The following B4GALNT3 variants were observed in gnomAD, a reference collection of about 807,000 sequenced individuals.
B4GALNT3 encodes beta-1,4-N-acetylgalactosaminyltransferase 3.
A neutral mutation model predicts 120.2 loss-of-function variants in B4GALNT3; 86 were observed. The observed-to-expected ratio is 0.72, with a 90% CI of 0.60 to 0.86. The LOEUF is 0.86. Ranked by LOEUF, B4GALNT3 falls within the 40% of genes least tolerant of loss-of-function variation. B4GALNT3 has a pLI of 0.00. For missense variants in B4GALNT3, 1,167 were observed against 1,298.9 expected, an observed-to-expected ratio of 0.90 and a Z score of 1.56; for synonymous variants, 518 against 510.4, an observed-to-expected ratio of 1.01 and a Z score of -0.20.
intron 1 of B4GALNT3, among the ~76,000 whole-genome samples, chr12:513,811 A>T (rs1207560867): frequency 6.6e-6 from 1 of 151,648 alleles, no homozygotes; most frequent in Non-Finnish European, 1.5e-5. Flanking sequence ...CTGATCCCTA[A>T]CTCCTGGCCT....
intron 1 of B4GALNT3, among the ~76,000 whole-genome samples, chr12:520,261 G>GCAGTT (rs1682926542): frequency 6.6e-6 from 1 of 152,206 alleles, no homozygotes; most frequent in South Asian, 2.1e-4. Context: ...GTTGTATAGA[G>GCAGTT]CAGTTCCCTC....
chr12:545,672 GT>G (rs1946986798), intron 6 of B4GALNT3, among the ~76,000 whole-genome samples: 1 of 139,234 alleles, frequency 7.2e-6, no homozygotes, highest in Non-Finnish European at 1.6e-5. Context: ...GAGGAGCGAG[GT>G]GTGGGGAGGA....
chr12:490,372 A>C (rs1355251713), intron 1 of B4GALNT3, among the ~76,000 whole-genome samples: 1 of 152,202 alleles, frequency 6.6e-6, no homozygotes, highest in African/African-American at 2.4e-5. Context: ...AGAAAAAAAA[A>C]CAAATTACTA....
chr12:541,758 G>T (rs1026746229), intron 3 of B4GALNT3, among the ~76,000 whole-genome samples: 1 of 151,592 alleles, frequency 6.6e-6, no homozygotes, highest in Non-Finnish European at 1.5e-5. Context: ...CTTTGCTCAG[G>T]CAAGAAAGGC....
rs1020080247 is a variant in B4GALNT3 at position 463,825 on chromosome 12, C to T, written c.169+3280C>T. Among the ~76,000 whole-genome samples, 4 of 152,122 alleles carry T rather than the reference C, an allele frequency of 2.6e-5. No homozygotes were observed. In the East Asian group the frequency reaches 7.7e-4, roughly 29 times the overall value. On this transcript the variant is annotated intron_variant, in intron 1 of 19. Transcript: ENST00000266383. ...AAAGTTTATGTTTGAGAATACTGAG[C>T]AGCTGAGTTTGGTGAAACAGAGGGT...
chr12:474,947 CAAA>C (rs386375353), intron 1 of B4GALNT3, among the ~76,000 whole-genome samples: 5 of 60,602 alleles, frequency 8.3e-5, no homozygotes, highest in Non-Finnish European at 1.1e-4. Context: ...GACCTTGTCT[CAAA>C]AAAAAAAAAA....
intron 1 of B4GALNT3, among the ~76,000 whole-genome samples, chr12:532,023 C>G (rs997006709): frequency 6.6e-6 from 1 of 151,598 alleles, no homozygotes; most frequent in African/African-American, 2.4e-5. Context: ...TGTTGCTAGT[C>G]TCAAACTCCT....
intron 1 of B4GALNT3, among the ~76,000 whole-genome samples, chr12:531,487 A>T (rs1163428671): frequency 5.4e-5 from 8 of 149,484 alleles, no homozygotes; most frequent in South Asian, 4.3e-4. Context: ...CATCTCTAAA[A>T]TTTTTTTTTT....
At chr12:524,188 G>A (rs1215633867) in intron 1 of B4GALNT3, among the ~76,000 whole-genome samples, 2 of 152,194 alleles carry the variant, frequency 1.3e-5, no homozygotes, top group Non-Finnish European at 2.9e-5. Flanking sequence ...GATGTTTCAT[G>A]GGGAGCAGGA....
At chr12:539,461 T>A (rs1376236358) in intron 3 of B4GALNT3, among the ~76,000 whole-genome samples, 1 of 151,884 alleles carries the variant, frequency 6.6e-6, no homozygotes, top group East Asian at 1.9e-4. Flanking sequence ...TCACACAGGC[T>A]TTGAGAAGGC....
At chr12:510,803 G>A (rs1432236346) in intron 1 of B4GALNT3, among the ~76,000 whole-genome samples, 2 of 151,942 alleles carry the variant, frequency 1.3e-5, no homozygotes, top group African/African-American at 2.4e-5. Flanking sequence ...CTATAAGTCG[G>A]CCAGCCTCAG....
In B4GALNT3 at chr12:511,013, C is replaced by CTTTTTTTT. The variant is rs762032000; in HGVS notation, c.170-24118_170-24111dup. 1.5e-3 allele frequency among the ~76,000 whole-genome samples: 66 copies of CTTTTTTTT among 43,898 alleles called. 12 individuals are homozygous for CTTTTTTTT. Among genetic ancestry groups the CTTTTTTTT allele is most frequent in the Non-Finnish European group, 1.8e-3 (39 of 21,826 alleles). The allele number at this position is 43,898 out of a possible 152,430, so 28.8% of individuals were successfully genotyped here. ...TTTGGTCTCTATGGATTTGCCTATT[C>CTTTTTTTT]TTTTTTTTTTTTTTTTTTTTTTTTT... On this transcript the variant is annotated intron_variant, in intron 1 of 19. Transcript: ENST00000266383.
At chr12:501,333 C>T (rs977295896) in intron 1 of B4GALNT3, among the ~76,000 whole-genome samples, 5 of 152,126 alleles carry the variant, frequency 3.3e-5, no homozygotes, top group Non-Finnish European at 7.3e-5. Context: ...AAGTGTGTAA[C>T]TGAGATAAGG....
At chr12:505,673 C>T (rs1156879769) in intron 1 of B4GALNT3, among the ~76,000 whole-genome samples, 3 of 152,234 alleles carry the variant, frequency 2.0e-5, no homozygotes, top group Admixed American at 1.3e-4. Flanking sequence ...CCCTGCCACA[C>T]TTCATTGTCA....
chr12:526,863 G>A (rs746770898), intron 1 of B4GALNT3, among the ~76,000 whole-genome samples: 7 of 152,152 alleles, frequency 4.6e-5, no homozygotes, highest in African/African-American at 7.2e-5. Context: ...TAGAAAGGGC[G>A]TCTGCCCCCT....
At chr12:502,428 T>C (rs7313849) in intron 1 of B4GALNT3, among the ~76,000 whole-genome samples, 36,765 of 151,960 alleles carry the variant, frequency 0.24, 6,237 homozygotes, top group African/African-American at 0.44. Context: ...ATATCACAGC[T>C]TTAGGGGTCT....
At chr12:538,275 G>A (rs1024215745) in intron 3 of B4GALNT3, among the ~76,000 whole-genome samples, 2 of 152,030 alleles carry the variant, frequency 1.3e-5, no homozygotes, top group Non-Finnish European at 2.9e-5. Context: ...ATCAAAATTG[G>A]GCTGGGCTTG....
chr12:561,368 G>A lies in B4GALNT3; in HGVS notation c.2914G>A (p.Glu972Lys). 1 of 1,614,046 alleles carries A rather than the reference G, an allele frequency of 6.2e-7. No individual in the cohort carries two copies. Among genetic ancestry groups the A allele is most frequent in the Non-Finnish European group, 8.5e-7 (1 of 1,179,952 alleles). ...GATACTCCAAGCGGGCCTGGACGTG[G>A]AGCGTCTCTCCCTCAGGAATTTCTT... ...DRILQAGLDV[E>K]RLSLRNFFHH... Residue 972 changes from glutamate to lysine, a missense_variant, in exon 20 of 20, where the codon GAG (glutamate) becomes AAG (lysine). Physicochemically the swap from Glu to Lys is moderately conservative, Grantham distance 56 (BLOSUM62 1). Around this residue, in one of 3 missense-constraint regions of B4GALNT3, gnomAD observed 983 missense variants for 1,102.5 expected, o/e 0.89. Transcript: ENST00000266383.
chr12:473,838 G>A (rs61916614), intron 1 of B4GALNT3, among the ~76,000 whole-genome samples: 5,723 of 152,236 alleles, frequency 0.038, 143 homozygotes, highest in Non-Finnish European at 0.053. Context: ...GGATAATCGC[G>A]TAAACAAACA....
Sources: allele counts gnomAD v4.1 joint callset (sites outside exome capture counted in the v4.1 genomes callset), GRCh38; gene constraint gnomAD v4.1.1; regional missense constraint gnomAD v4.1.1; transcripts MANE v1.5; gene names NCBI Gene and HGNC (gene_info 2026-07-23, HGNC 2026-07-21).